The following PDK4 variants were observed in gnomAD, a reference collection of about 807,000 sequenced individuals.
PDK4 encodes the protein pyruvate dehydrogenase kinase 4.
In PDK4, 43 loss-of-function variants were observed where a neutral mutation model predicts 51.7. The ratio of observed to expected loss-of-function variants is 0.83; its 90% confidence interval spans 0.65 to 1.07. PDK4 has a LOEUF of 1.07. PDK4 is among the 50% of genes least tolerant of loss of function. The probability of loss-of-function intolerance (pLI) is 0.00; values close to 1 mark genes in which losing one functional copy is unlikely to be tolerated. For synonymous variants in PDK4, 170 were observed against 176.6 expected (o/e 0.96, Z 0.30); for missense variants, 498 against 503.5 (o/e 0.99, Z 0.10).
intron 1 of PDK4, among the ~76,000 whole-genome samples, 200 bp from the exon 2 acceptor site, chr7:95,595,364 T>C (rs1293005289): frequency 6.6e-6 from 1 of 152,202 alleles, no homozygotes; most frequent in Non-Finnish European, 1.5e-5. Flanking sequence ...TCTTTCCTTC[T>C]TTCTTTTAAA....
At position 95,583,703 on chromosome 7, in the gene PDK4, T is replaced by C. The variant is rs971317173; in HGVS notation, c.*1938A>G. ...ATTTTATCAAAGTTCATTTGCACAG[T>C]TGGTGTAATTGAGATACTAACATTT... On this transcript the variant is annotated 3_prime_UTR_variant, in exon 11 of 11. Coordinates refer to ENST00000005178, the MANE Select transcript of PDK4 (RefSeq NM_002612.4). 1 of 152,642 alleles carries C rather than the reference T, an allele frequency of 6.6e-6. No homozygotes were observed. Among genetic ancestry groups the C allele is most frequent in the Non-Finnish European group, 1.5e-5 (1 of 68,036 alleles). The allele number at this position is 152,642 out of a possible 1,614,324, so 9.5% of individuals were successfully genotyped here. A position where few individuals can be genotyped will look rare whatever the true frequency, so the allele number is the denominator to read the frequency against.
rs370748454 is a variant in PDK4, at chr7:95,586,287, C to T, written c.1096-506G>A. 1.0e-3 allele frequency among the ~76,000 whole-genome samples: 152 copies of T among 150,986 alleles called. 4 individuals carry two copies. Among genetic ancestry groups the T allele is most frequent in the African/African-American group, 3.6e-3 (147 of 40,940 alleles). On this transcript the variant is annotated intron_variant, in intron 10 of 10. Coordinates refer to ENST00000005178, the MANE Select transcript of PDK4 (RefSeq NM_002612.4). ...TCAGCTCACTGCAACCTCTGCCTCCCGGGTTCAAGCAATTCTCTTGCCTCA... is the reference window on the plus strand; with the variant it reads ...TCAGCTCACTGCAACCTCTGCCTCCTGGGTTCAAGCAATTCTCTTGCCTCA...
intron 3 of PDK4, 139 bp from the exon 4 acceptor site, chr7:95,593,083 A>G (rs565566481): frequency 9.9e-6 from 5 of 505,042 alleles, no homozygotes; most frequent in East Asian, 6.0e-5. Context: ...TTAGTCCTTT[A>G]TTAGTAATCT....
rs1185918819 is a variant in PDK4 at position 95,591,969 on chromosome 7, T to A, written c.694+19A>T. The stretch of plus-strand genomic sequence containing the variant: ...ACAGAATTTTCCACAGGTTAAAATA[T>A]ATTTTACTTATAACTTACCATTCAC... On this transcript the variant is annotated intron_variant, in intron 6 of 10. Coordinates refer to ENST00000005178, the MANE Select transcript of PDK4 (RefSeq NM_002612.4). 7.2e-6 allele frequency: 9 copies of A among 1,241,850 alleles called. No individual in the cohort carries two copies. Among genetic ancestry groups the A allele is most frequent in the Non-Finnish European group, 1.0e-5 (9 of 870,212 alleles). 76.9% of individuals were successfully genotyped at this position (1,241,850 alleles called of 1,614,324 possible).
At position 95,591,989 on chromosome 7, in the gene PDK4, A is replaced by G; in HGVS notation, c.693T>C (p.Asn231=). ...SSPELKLTQV[N]GKFPDQPIHI... Reference sequence around the variant, plus strand: ...AAATATATTTTACTTATAACTTACCATTCACTTGTGTAAGCTTTAATTCTG... The same window carrying G: ...AAATATATTTTACTTATAACTTACCGTTCACTTGTGTAAGCTTTAATTCTG... The change falls in exon 6 of 11, where the codon AAT becomes AAC. Residue 231 remains asparagine (N), a splice_region_variant and synonymous_variant. Coordinates refer to ENST00000005178, the MANE Select transcript of PDK4 (RefSeq NM_002612.4). 1.4e-6 allele frequency: 2 copies of G among 1,442,042 alleles called. No homozygotes were observed. Among genetic ancestry groups the G allele is most frequent in the Non-Finnish European group, 1.9e-6 (2 of 1,042,610 alleles). The allele number at this position is 1,442,042 out of a possible 1,614,324, so 89.3% of individuals were successfully genotyped here.
chr7:95,585,823 T>C (rs1791474547), intron 10 of PDK4, 42 bp from the exon 11 acceptor site: 1 of 1,552,690 alleles, frequency 6.4e-7, no homozygotes, highest in Non-Finnish European at 8.8e-7. Context: ...AAAGAAATTA[T>C]GCATGGCATA....
chr7:95,596,227 C>T lies in PDK4; in HGVS notation c.67G>A (p.Glu23Lys), dbSNP rs1384330253. 4 of 1,604,394 alleles carry T rather than the reference C, an allele frequency of 2.5e-6. No individual in the cohort carries two copies. The highest frequency in any genetic ancestry group is 3.4e-6 in the Non-Finnish European group (4 of 1,175,620). Reference protein sequence around the residue: ...SLNGAGLVPREVEHFSRYSPS... With the variant: ...SLNGAGLVPRKVEHFSRYSPS... ...CTGTAGCGCGAGAAATGCTCCACCT[C>T]TCGGGGCACCAGGCCGGCGCCGTTG... Residue 23 changes from glutamate (E) to lysine (K), a missense_variant, in exon 1 of 11, where the codon GAG becomes AAG. Glu to Lys is a moderately conservative substitution (Grantham distance 56). Coordinates refer to ENST00000005178, the MANE Select transcript of PDK4 (RefSeq NM_002612.4).
chr7:95,586,128 G>T (rs767004670), intron 10 of PDK4, among the ~76,000 whole-genome samples: 18 of 150,094 alleles, frequency 1.2e-4, no homozygotes, highest in South Asian at 4.2e-4. Flanking sequence ...CAAATGAACA[G>T]AATCAAGACA....
chr7:95,594,058 A>G (rs1209916348), intron 2 of PDK4, among the ~76,000 whole-genome samples: 1 of 152,172 alleles, frequency 6.6e-6, no homozygotes, highest in Non-Finnish European at 1.5e-5. Context: ...TTCTTCTAGC[A>G]ATAATACTTA....
intron 6 of PDK4, among the ~76,000 whole-genome samples, chr7:95,590,699 T>C (rs17704516): frequency 0.078 from 11,886 of 152,280 alleles, 482 homozygotes; most frequent in Non-Finnish European, 0.09. Context: ...TTTGAGCAAC[T>C]TGATTTTAAC....
Position 95,585,619 on chromosome 7 carries a change from A to G in PDK4, c.*22T>C. ...TGGTGTAGACCCACTTTGATCCCGT[A>G]AAGTGTCCTGAGTGTCCCTCTTCAC... On this transcript the variant is annotated 3_prime_UTR_variant, in exon 11 of 11. Coordinates refer to ENST00000005178, the MANE Select transcript of PDK4 (RefSeq NM_002612.4). 6.3e-7 allele frequency: 1 copy of G among 1,591,014 alleles called. No individual in the cohort carries two copies. The highest frequency in any genetic ancestry group is 1.3e-5 in the African/African-American group (1 of 74,678).
chr7:95,588,927 T>TG (rs1375473318), intron 7 of PDK4, among the ~76,000 whole-genome samples: 1 of 152,214 alleles, frequency 6.6e-6, no homozygotes, highest in Admixed American at 6.5e-5. Context: ...TCAAAATCTC[T>TG]GGGGTAGAGC....
In PDK4 at chr7:95,587,139, G is replaced by T. The variant is rs371044935; in HGVS notation, c.982-16C>A. The T allele has an allele frequency of 1.3e-4, 187 of 1,435,210 alleles. No individual in the cohort carries two copies. The highest frequency in any genetic ancestry group is 6.7e-4 in the Admixed American group (40 of 59,408). The allele number at this position is 1,435,210 out of a possible 1,614,324, so 88.9% of individuals were successfully genotyped here. Reference sequence around the variant, plus strand: ...CAAAACCAGCCTAGAGAAGAGAGACGTTATCAGGTAAAGAAGTGTATGTGA... The same window carrying T: ...CAAAACCAGCCTAGAGAAGAGAGACTTTATCAGGTAAAGAAGTGTATGTGA... On this transcript the variant is annotated splice_polypyrimidine_tract_variant and intron_variant, in intron 9 of 10. Transcript: ENST00000005178.
At chr7:95,594,000 A>T (rs1791584312) in intron 2 of PDK4, among the ~76,000 whole-genome samples, 1 of 152,182 alleles carries the variant, frequency 6.6e-6, no homozygotes, top group Admixed American at 6.5e-5. Flanking sequence ...TAACTATTTC[A>T]GGTCAGTATT....
chr7:95,586,444 C>T (rs188347996), intron 10 of PDK4, among the ~76,000 whole-genome samples: 5 of 152,186 alleles, frequency 3.3e-5, no homozygotes, highest in Admixed American at 2.6e-4. Flanking sequence ...CCACCTGCCT[C>T]GGCCTCCCAA....
chr7:95,587,486 G>A lies in PDK4; in HGVS notation c.913C>T (p.Arg305Cys), dbSNP rs750098716. 16 of 1,610,658 alleles carry A rather than the reference G, an allele frequency of 9.9e-6. No individual in the cohort carries two copies. Among genetic ancestry groups the A allele is most frequent in the East Asian group, 2.2e-5 (1 of 44,860 alleles). Reference sequence around the variant, plus strand: ...GTGGAGTATGTATAACTAAAGAGGCGGTCAATAATTCTCAGGGGAACACCA... The same window carrying A: ...GTGGAGTATGTATAACTAAAGAGGCAGTCAATAATTCTCAGGGGAACACCA... ...GGGVPLRIID[R>C]LFSYTYSTAP... The change falls in exon 9 of 11, where the codon CGC becomes TGC. Residue 305 changes from arginine to cysteine, a missense_variant. Arg to Cys is a radical substitution (Grantham distance 180, BLOSUM62 -3). Coordinates refer to ENST00000005178, the MANE Select transcript of PDK4 (RefSeq NM_002612.4).
In PDK4 at chr7:95,587,535, C is replaced by G; in HGVS notation, c.871-7G>C. 1 of 1,536,882 alleles carries G rather than the reference C, an allele frequency of 6.5e-7. No homozygotes were observed. Among genetic ancestry groups the G allele is most frequent in the Non-Finnish European group, 9.0e-7 (1 of 1,109,574 alleles). ...CACCTCCTCTGTCTGAAATCTAAAA[C>G]AAACAAACAAGTCATCAAAGCCACA... On this transcript the variant is annotated splice_region_variant and splice_polypyrimidine_tract_variant and intron_variant, in intron 8 of 10. Coordinates refer to ENST00000005178, the MANE Select transcript of PDK4 (RefSeq NM_002612.4).
At position 95,585,534 on chromosome 7, in the gene PDK4, T is replaced by A. The variant is rs1335247191; in HGVS notation, c.*107A>T. 1.0e-6 allele frequency: 1 copy of A among 978,864 alleles called. No homozygotes were observed. The highest frequency in any genetic ancestry group is 1.5e-6 in the Non-Finnish European group (1 of 670,888). 60.6% of individuals were successfully genotyped at this position (978,864 alleles called of 1,614,324 possible). ...CAGTGTTCTGATTAAGGAGTTTTCG[T>A]TGCTGTCGTTTGTTTTGGAGGAAAC... On this transcript the variant is annotated 3_prime_UTR_variant, in exon 11 of 11. Transcript: ENST00000005178.
intron 7 of PDK4, among the ~76,000 whole-genome samples, chr7:95,589,126 T>C (rs12668651): frequency 0.3 from 45,158 of 152,112 alleles, 7,513 homozygotes; most frequent in East Asian, 0.78. Context: ...TCACTTTAAC[T>C]AAGTCCCCAG....
Sources: allele counts gnomAD v4.1 joint callset (sites outside exome capture counted in the v4.1 genomes callset), GRCh38; gene constraint gnomAD v4.1.1; transcripts MANE v1.5; gene names NCBI Gene and HGNC (gene_info 2026-07-23, HGNC 2026-07-21).